The following SYN3 variants were observed in gnomAD, a reference collection of about 807,000 sequenced individuals.
The protein encoded by SYN3 is synapsin-3.
A neutral mutation model predicts 65.8 loss-of-function variants in SYN3; 35 were observed. That is an observed-to-expected ratio of 0.53 (90% CI 0.41 to 0.70). The LOEUF (loss-of-function observed/expected upper bound fraction) is 0.70, where lower values mean the gene tolerates loss of function less well. SYN3 is among the 30% of genes least tolerant of loss of function. SYN3 has a pLI of 0.00. For synonymous variants in SYN3, 270 were observed against 292.9 expected, an observed-to-expected ratio of 0.92 and a Z score of 0.80; for missense variants, 680 against 749.0, an observed-to-expected ratio of 0.91 and a Z score of 1.08.
At chr22:32,887,789 A>G (rs1435500850) in intron 4 of SYN3, among the ~76,000 whole-genome samples, 1 of 152,218 alleles carries the variant, frequency 6.6e-6, no homozygotes, top group Non-Finnish European at 1.5e-5. Flanking sequence ...GATTGGGGCT[A>G]TGATGAATAA....
chr22:32,559,296 T>C (rs1022094168), intron 7 of SYN3, among the ~76,000 whole-genome samples: 1 of 152,092 alleles, frequency 6.6e-6, no homozygotes, highest in African/African-American at 2.4e-5. Flanking sequence ...AAGGAGACAA[T>C]GGCAGGGTTG....
At chr22:32,591,940 G>A (rs1183612346) in intron 7 of SYN3, among the ~76,000 whole-genome samples, 1 of 152,178 alleles carries the variant, frequency 6.6e-6, no homozygotes, top group Non-Finnish European at 1.5e-5. Context: ...CCACTTAGGA[G>A]CCATCTCAGT....
At chr22:32,773,585 A>G (rs1474938811) in intron 6 of SYN3, among the ~76,000 whole-genome samples, 3 of 152,170 alleles carry the variant, frequency 2.0e-5, no homozygotes, top group Non-Finnish European at 4.4e-5. Flanking sequence ...GTTGGTAGCT[A>G]TCTTCAATTC....
intron 6 of SYN3, among the ~76,000 whole-genome samples, chr22:32,831,752 T>G (rs1384111214): frequency 2.0e-5 from 3 of 152,162 alleles, no homozygotes; most frequent in African/African-American, 7.2e-5. Context: ...GCTCCCCTAA[T>G]GCACTTTAAG....
intron 3 of SYN3, among the ~76,000 whole-genome samples, chr22:32,947,318 G>C (rs924327624): frequency 6.6e-6 from 1 of 152,166 alleles, no homozygotes; most frequent in Admixed American, 6.5e-5. Flanking sequence ...TTATAAGAAA[G>C]AAATGCCAGC....
intron 2 of SYN3, among the ~76,000 whole-genome samples, chr22:32,987,259 T>C (rs1197582646): frequency 2.0e-5 from 3 of 152,082 alleles, no homozygotes; most frequent in Non-Finnish European, 4.4e-5. Flanking sequence ...TGCTGATTTG[T>C]GGCCCAGGCA....
intron 7 of SYN3, chr22:32,583,424 T>C (rs2058977549): frequency 6.6e-6 from 1 of 152,262 alleles, no homozygotes; most frequent in Admixed American, 6.5e-5. Flanking sequence ...TCCTGCCTGC[T>C]GATGGTAAGA....
At chr22:32,777,987 G>A (rs1005755660) in intron 6 of SYN3, among the ~76,000 whole-genome samples, 9 of 152,172 alleles carry the variant, frequency 5.9e-5, no homozygotes, top group Non-Finnish European at 1.3e-4. Context: ...CTTCCAGTGA[G>A]AAACACTACA....
chr22:32,599,470 C>T (rs538535718), intron 6 of SYN3, among the ~76,000 whole-genome samples: 6 of 151,966 alleles, frequency 3.9e-5, no homozygotes, highest in South Asian at 2.1e-4. Flanking sequence ...TACAGGTGCC[C>T]GCCACCATGC....
At position 32,537,719 on chromosome 22, in the gene SYN3, G is replaced by A. The variant is rs545989558; in HGVS notation, c.992+317C>T. On this transcript the variant is annotated intron_variant, in intron 9 of 13. Transcript: ENST00000358763. ...CCTCTTCCTATAGCAGCTGGTCAGG[G>A]CTGGAAAGACCTCGGACTTGGAGTC... is the stretch of plus-strand genomic sequence containing the variant. Among the ~76,000 whole-genome samples, 3 of 152,290 alleles carry A rather than the reference G, an allele frequency of 2.0e-5. No individual in the cohort carries two copies. The East Asian group carries it at 5.8e-4, about 29-fold the overall frequency.
chr22:32,964,480 G>C (rs1178899859), intron 3 of SYN3, among the ~76,000 whole-genome samples: 2 of 150,958 alleles, frequency 1.3e-5, no homozygotes, highest in Non-Finnish European at 2.9e-5. Flanking sequence ...TGGTCCCTGA[G>C]AACATGGATC....
chr22:32,606,897 T>A (rs2059380236), intron 6 of SYN3, among the ~76,000 whole-genome samples: 1 of 152,066 alleles, frequency 6.6e-6, no homozygotes, highest in South Asian at 2.1e-4. Flanking sequence ...TTAGGGTACA[T>A]GTGCACAACG....
intron 6 of SYN3, among the ~76,000 whole-genome samples, chr22:32,774,994 C>A (rs1432556984): frequency 6.6e-6 from 1 of 152,194 alleles, no homozygotes; most frequent in East Asian, 1.9e-4. Flanking sequence ...AGAAGGCCCC[C>A]AGCTTCCTCC....
At chr22:32,626,621 C>T (rs185125543) in intron 6 of SYN3, among the ~76,000 whole-genome samples, 228 of 152,214 alleles carry the variant, frequency 1.5e-3, no homozygotes, top group Non-Finnish European at 2.7e-3. Flanking sequence ...CCTGCCCCAA[C>T]CGGGGAATGG....
intron 6 of SYN3, among the ~76,000 whole-genome samples, chr22:32,705,968 A>G (rs926033505): frequency 2.0e-5 from 3 of 152,208 alleles, no homozygotes; most frequent in African/African-American, 7.2e-5. Context: ...GGCTGAGACC[A>G]TGGGGATTTT....
chr22:32,548,702 C>G (rs1444929368), intron 7 of SYN3, among the ~76,000 whole-genome samples: 4 of 152,118 alleles, frequency 2.6e-5, no homozygotes, highest in Admixed American at 6.5e-5. Flanking sequence ...GCCACCTGTT[C>G]TAGAAAGAAT....
chr22:32,592,866 T>C (rs1019665995), intron 7 of SYN3, among the ~76,000 whole-genome samples: 1 of 152,178 alleles, frequency 6.6e-6, no homozygotes, highest in African/African-American at 2.4e-5. Flanking sequence ...GATTTTCCAA[T>C]TCTCAGCATA....
At chr22:32,716,946 T>C (rs1329108098) in intron 6 of SYN3, among the ~76,000 whole-genome samples, 1 of 152,166 alleles carries the variant, frequency 6.6e-6, no homozygotes, top group East Asian at 1.9e-4. Context: ...ATTACCACCA[T>C]CCATCTCCAA....
chr22:32,606,506 G>C (rs1233930844), intron 6 of SYN3, among the ~76,000 whole-genome samples: 1 of 152,168 alleles, frequency 6.6e-6, no homozygotes, highest in East Asian at 1.9e-4. Flanking sequence ...GCCATGTTGT[G>C]ACAAATCTAC....
Sources: allele counts gnomAD v4.1 joint callset (sites outside exome capture counted in the v4.1 genomes callset), GRCh38; gene constraint gnomAD v4.1.1; transcripts MANE v1.5; gene names NCBI Gene and HGNC (gene_info 2026-07-23, HGNC 2026-07-21).